ZNF618: variants seen among roughly 807,000 people sequenced by gnomAD.
ZNF618 encodes zinc finger protein 618.
In ZNF618, 34 loss-of-function variants were observed where a neutral mutation model predicts 103.0. The ratio of observed to expected loss-of-function variants is 0.33; its 90% CI spans 0.25 to 0.44. The LOEUF (loss-of-function observed/expected upper bound fraction) is 0.44. Ranked by LOEUF, ZNF618 falls within the 20% of genes least tolerant of loss-of-function variation. The pLI is 1.00. For synonymous variants in ZNF618, 551 were observed against 542.2 expected (o/e 1.02, Z -0.23); for missense variants, 1,059 against 1,295.4 (o/e 0.82, Z 2.80).
intron 7 of ZNF618, 59 bp downstream of exon 7, chr9:114,007,498 C>T (rs1033785505): frequency 1.3e-6 from 2 of 1,506,874 alleles, no homozygotes; most frequent in African/African-American, 2.8e-5. Flanking sequence ...CTTGGAGACA[C>T]CAGCCCCCAG....
In ZNF618 at chr9:114,010,240, G is replaced by A. The variant is rs1842114899; in HGVS notation, c.754+1686G>A. ...CACTTGAACCCGGGAGGTGGAGGTT[G>A]CATTGAGCTGAGATTGTGCCACTGC... On this transcript the variant is annotated intron_variant, in intron 9 of 14. Coordinates refer to ENST00000374126, the MANE Select transcript of ZNF618 (RefSeq NM_001318042.2). 6.7e-5 allele frequency among the ~76,000 whole-genome samples: 10 copies of A among 149,438 alleles called. No individual in the cohort carries two copies. The South Asian group carries it at 2.1e-3, about 32-fold the overall frequency.
In ZNF618 at chr9:114,049,833, C is replaced by G; in HGVS notation, c.2531C>G (p.Ala844Gly). 6.2e-7 allele frequency: 1 copy of G among 1,613,964 alleles called. No homozygotes were observed. The highest frequency in any genetic ancestry group is 8.5e-7 in the Non-Finnish European group (1 of 1,179,912). The change falls in exon 15 of 15, where the codon GCC becomes GGC. Residue 844 changes from alanine to glycine, a missense_variant. This residue lies in a region of ZNF618 where 156 missense variants were observed against 197.1 expected (regional missense o/e 0.79). Coordinates refer to ENST00000374126, the MANE Select transcript of ZNF618 (RefSeq NM_001318042.2). ...NEVKESWAEE[A>G]DFEPAAKKPR... is the part of the protein sequence containing the mutation. ...GTGAAGGAGTCCTGGGCCGAGGAGG[C>G]CGACTTCGAGCCCGCTGCCAAGAAG...
At chr9:113,926,507 T>C (rs1833109933) in intron 1 of ZNF618, among the ~76,000 whole-genome samples, 2 of 152,162 alleles carry the variant, frequency 1.3e-5, no homozygotes, top group Non-Finnish European at 2.9e-5. Flanking sequence ...ATTACATTTA[T>C]GCTATACCTT....
At chr9:113,944,437 C>T (rs1325464559) in intron 1 of ZNF618, among the ~76,000 whole-genome samples, 1 of 152,124 alleles carries the variant, frequency 6.6e-6, no homozygotes, top group Non-Finnish European at 1.5e-5. Flanking sequence ...CCACCACACC[C>T]AGCTAAATTT....
At chr9:114,021,790 C>T (rs1029203773) in intron 10 of ZNF618, among the ~76,000 whole-genome samples, 7 of 152,114 alleles carry the variant, frequency 4.6e-5, no homozygotes, top group African/African-American at 1.2e-4. Flanking sequence ...AATTAGTTTG[C>T]GTTTCCTAGA....
chr9:114,047,958 T>C lies in ZNF618; in HGVS notation c.1312T>C (p.Trp438Arg). ...RSPPAVVEEK[W>R]KPQAQRNSAN... ...GCCACCTGCTGTTGTAGAAGAGAAGTGGAAACCTCAGGCCCAGAGGAACAG... is the reference window on the plus strand; with the variant it reads ...GCCACCTGCTGTTGTAGAAGAGAAGCGGAAACCTCAGGCCCAGAGGAACAG... Residue 438 changes from tryptophan (W) to arginine (R), a missense_variant, in exon 14 of 15, where the codon TGG (tryptophan) becomes CGG (arginine). Transcript: ENST00000374126. 6.3e-7 allele frequency: 1 copy of C among 1,599,028 alleles called. No individual in the cohort carries two copies. Among genetic ancestry groups the C allele is most frequent in the Non-Finnish European group, 8.5e-7 (1 of 1,172,826 alleles).
At chr9:114,036,435 G>C in intron 13 of ZNF618, 58 bp downstream of exon 13, 1 of 1,526,012 alleles carries the variant, frequency 6.6e-7, no homozygotes, top group Non-Finnish European at 8.9e-7. Flanking sequence ...AAATTGAAGA[G>C]ATGGTTAGGG....
At chr9:113,921,965 G>A (rs1832690744) in intron 1 of ZNF618, among the ~76,000 whole-genome samples, 1 of 151,864 alleles carries the variant, frequency 6.6e-6, no homozygotes, top group Admixed American at 6.5e-5. Flanking sequence ...GTTCCAATGA[G>A]CAAAAAGGAA....
rs200461365 is a variant in ZNF618, at chr9:114,036,275, G to A, written c.1169-25G>A. ...TGTCTGCGTCGGTTCCACCCCTCAC[G>A]TGGCTGCCGCATTTCTCCCTCCAGA... On this transcript the variant is annotated intron_variant, in intron 12 of 14. Transcript: ENST00000374126. 66 of 1,556,454 alleles carry A rather than the reference G, an allele frequency of 4.2e-5. No homozygotes were observed. In the African/African-American group the frequency reaches 5.7e-4, roughly 13 times the overall value.
At chr9:113,983,700 A>G (rs953720931) in intron 2 of ZNF618, among the ~76,000 whole-genome samples, 4 of 152,120 alleles carry the variant, frequency 2.6e-5, no homozygotes, top group African/African-American at 7.2e-5. Context: ...TGTTAAGGGC[A>G]CTCCAGGTGA....
chr9:114,001,338 C>A (rs1330187817), intron 4 of ZNF618, among the ~76,000 whole-genome samples: 1 of 72,000 alleles, frequency 1.4e-5, no homozygotes, highest in Admixed American at 1.4e-4. Context: ...CAAGACAACT[C>A]CTCAGCAGGT....
At chr9:113,933,617 G>A (rs1433103345) in intron 1 of ZNF618, among the ~76,000 whole-genome samples, 1 of 152,070 alleles carries the variant, frequency 6.6e-6, no homozygotes, top group East Asian at 1.9e-4. Context: ...AATTGAGGAG[G>A]GAAATTGTTG....
intron 12 of ZNF618, 52 bp downstream of exon 12, chr9:114,032,780 G>T (rs367587614): frequency 6.5e-7 from 1 of 1,540,648 alleles, no homozygotes; most frequent in Non-Finnish European, 9.0e-7. Flanking sequence ...AGCTTCGCCC[G>T]CTCCCCCCTG....
intron 1 of ZNF618, among the ~76,000 whole-genome samples, chr9:113,941,372 T>C (rs1483527323): frequency 6.6e-6 from 1 of 152,240 alleles, no homozygotes; most frequent in Non-Finnish European, 1.5e-5. Context: ...ACAGCTCTTA[T>C]TTCCAGTTAC....
chr9:113,944,189 C>T (rs947317475), intron 1 of ZNF618, among the ~76,000 whole-genome samples: 8 of 152,192 alleles, frequency 5.3e-5, no homozygotes, highest in Non-Finnish European at 5.9e-5. Flanking sequence ...TGGGCCTAAA[C>T]GAGCCCTTGA....
At chr9:113,953,664 A>G (rs930209168) in intron 1 of ZNF618, among the ~76,000 whole-genome samples, 23 of 152,184 alleles carry the variant, frequency 1.5e-4, no homozygotes, top group African/African-American at 5.1e-4. Flanking sequence ...ATAAAAAATC[A>G]CTAAACAAAT....
intron 1 of ZNF618, among the ~76,000 whole-genome samples, chr9:113,899,963 T>C (rs1181393280): frequency 6.6e-6 from 1 of 152,260 alleles, no homozygotes; most frequent in Non-Finnish European, 1.5e-5. Flanking sequence ...TTTGAGACTC[T>C]GCATTCATTT....
intron 1 of ZNF618, among the ~76,000 whole-genome samples, chr9:113,892,156 A>G (rs1175776145): frequency 6.6e-6 from 1 of 152,198 alleles, no homozygotes; most frequent in East Asian, 1.9e-4. Context: ...CAGTGTGAAC[A>G]TGGTTGTCCC....
At chr9:113,944,553 C>T (rs956829608) in intron 1 of ZNF618, among the ~76,000 whole-genome samples, 3 of 152,178 alleles carry the variant, frequency 2.0e-5, no homozygotes, top group Non-Finnish European at 4.4e-5. Flanking sequence ...GCTGGGATTA[C>T]AGGCATGAGC....
Sources: allele counts gnomAD v4.1 joint callset (sites outside exome capture counted in the v4.1 genomes callset), GRCh38; gene constraint gnomAD v4.1.1; regional missense constraint gnomAD v4.1.1; transcripts MANE v1.5; gene names NCBI Gene and HGNC (gene_info 2026-07-23, HGNC 2026-07-21).